CADPS: variants seen among roughly 807,000 people sequenced by gnomAD.
The protein encoded by CADPS is calcium-dependent secretion activator 1.
A neutral mutation model predicts 167.3 loss-of-function variants in CADPS; 57 were observed. That is an observed-to-expected ratio of 0.34 (90% CI 0.28 to 0.42). The LOEUF (loss-of-function observed/expected upper bound fraction) is 0.42. Among genes scored for constraint, CADPS ranks in the 20% least tolerant of loss-of-function variants. The probability of loss-of-function intolerance (pLI) is 1.00; values close to 1 mark genes in which losing one functional copy is unlikely to be tolerated. For synonymous variants in CADPS, 676 were observed against 635.3 expected (o/e 1.06, Z -0.96); for missense variants, 1,414 against 1,738.1 (o/e 0.81, Z 3.32).
chr3:62,792,967 G>C (rs556403354), intron 1 of CADPS, among the ~76,000 whole-genome samples: 1 of 152,118 alleles, frequency 6.6e-6, no homozygotes, highest in African/African-American at 2.4e-5. Flanking sequence ...AGACTACTTG[G>C]ATCAGAAGCC....
intron 7 of CADPS, among the ~76,000 whole-genome samples, chr3:62,588,183 G>A (rs898392357): frequency 1.3e-5 from 2 of 151,996 alleles, no homozygotes; most frequent in African/African-American, 4.8e-5. Flanking sequence ...TCCCCTCCTC[G>A]ACTTAGCCTA....
At chr3:62,493,061 GAGGA>G (rs1471412399) in intron 19 of CADPS, among the ~76,000 whole-genome samples, 1 of 152,162 alleles carries the variant, frequency 6.6e-6, no homozygotes, top group Non-Finnish European at 1.5e-5. Context: ...ATCCAGTCTG[GAGGA>G]AAGATCAGGC....
At chr3:62,413,273 T>C (rs970057488) in intron 28 of CADPS, among the ~76,000 whole-genome samples, 10 of 152,174 alleles carry the variant, frequency 6.6e-5, no homozygotes, top group African/African-American at 2.4e-4. Context: ...AACTTTTGAG[T>C]ATAGATGCAA....
rs149951211 is a variant in CADPS, at chr3:62,821,298, T to C, written c.441+53291A>G. On this transcript the variant is annotated intron_variant, in intron 1 of 29. Transcript: ENST00000383710. ...GCAGGCTCACCTGGGTTCTCTGCTT[T>C]AGAGTCTCTGTGTTGGTTTTCTAGG... is the stretch of plus-strand genomic sequence containing the variant. 8.2e-3 allele frequency among the ~76,000 whole-genome samples: 1,244 copies of C among 151,908 alleles called. 9 individuals carry two copies. The highest frequency in any genetic ancestry group is 0.013 in the Non-Finnish European group (873 of 67,972).
At chr3:62,447,910 T>C (rs2057463577) in intron 26 of CADPS, among the ~76,000 whole-genome samples, 1 of 152,144 alleles carries the variant, frequency 6.6e-6, no homozygotes, top group African/African-American at 2.4e-5. Flanking sequence ...CCATGTATAC[T>C]ATTATCTAAC....
Position 62,602,726 on chromosome 3 carries a change from G to C in CADPS, c.1326-9978C>G, listed in dbSNP as rs2060153570. ...TCTGGGAGGCAGAGATGAAGGCTTT[G>C]GTTTGCCTCCTTGACATTTCCACTG... On this transcript the variant is annotated intron_variant, in intron 6 of 29. Coordinates refer to ENST00000383710, the MANE Select transcript of CADPS (RefSeq NM_003716.4). This position sits in a 1 kb window ranked among gnomAD's most constrained non-coding sequence, Gnocchi z 4.4. Among the ~76,000 whole-genome samples, 1 of 152,202 alleles carries C rather than the reference G, an allele frequency of 6.6e-6. No homozygotes were observed. Among genetic ancestry groups the C allele is most frequent in the African/African-American group, 2.4e-5 (1 of 41,530 alleles).
intron 3 of CADPS, among the ~76,000 whole-genome samples, chr3:62,681,070 G>A (rs915901944): frequency 4.6e-5 from 7 of 151,972 alleles, no homozygotes; most frequent in African/African-American, 1.7e-4. Context: ...TCCCTTCCCT[G>A]TCTTTGCTGA....
chr3:62,495,726 G>C (rs2064614666), intron 18 of CADPS, among the ~76,000 whole-genome samples: 1 of 152,174 alleles, frequency 6.6e-6, no homozygotes, highest in African/African-American at 2.4e-5. Flanking sequence ...GAGAGATTGG[G>C]AAGGTGTAGC....
intron 26 of CADPS, among the ~76,000 whole-genome samples, chr3:62,449,901 T>C (rs2057790180): frequency 6.6e-6 from 1 of 152,194 alleles, no homozygotes; most frequent in Non-Finnish European, 1.5e-5. Context: ...GTTAAAACTC[T>C]GGCTTTGCCA....
intron 26 of CADPS, among the ~76,000 whole-genome samples, chr3:62,454,149 G>A (rs367747749): frequency 2.0e-5 from 3 of 152,112 alleles, no homozygotes; most frequent in Non-Finnish European, 2.9e-5. Context: ...GCCTATAAAT[G>A]GAACCATTTC....
chr3:62,749,986 T>C (rs2082335735), intron 3 of CADPS, among the ~76,000 whole-genome samples: 1 of 152,210 alleles, frequency 6.6e-6, no homozygotes, highest in Admixed American at 6.5e-5. Context: ...TAATGCATAT[T>C]ATTTTTTTGT....
intron 26 of CADPS, among the ~76,000 whole-genome samples, chr3:62,463,249 G>A (rs1370034208): frequency 6.6e-6 from 1 of 152,128 alleles, no homozygotes; most frequent in African/African-American, 2.4e-5. Flanking sequence ...CCTCTTGGTA[G>A]GCCAGTAATT....
chr3:62,686,702 C>T (rs900870210), intron 3 of CADPS, among the ~76,000 whole-genome samples: 7 of 151,956 alleles, frequency 4.6e-5, no homozygotes, highest in East Asian at 3.9e-4. Context: ...GAATATATTT[C>T]GTAATGTACC....
chr3:62,808,066 G>A (rs1389789927), intron 1 of CADPS, among the ~76,000 whole-genome samples: 2 of 151,698 alleles, frequency 1.3e-5, no homozygotes, highest in Non-Finnish European at 2.9e-5. Context: ...GTAGAGATGG[G>A]GTTTCACTAT....
At chr3:62,763,478 T>C (rs1421930850) in intron 2 of CADPS, among the ~76,000 whole-genome samples, 1 of 152,208 alleles carries the variant, frequency 6.6e-6, no homozygotes, top group African/African-American at 2.4e-5. Context: ...TTTAAGTTAA[T>C]TGAGGAAATA....
chr3:62,550,206 T>C, intron 10 of CADPS, 91 bp from the exon 11 acceptor site: 1 of 989,576 alleles, frequency 1.0e-6, no homozygotes, highest in Non-Finnish European at 1.6e-6. Flanking sequence ...TCTGCTGCTT[T>C]TCCTTGGGAC....
intron 15 of CADPS, 47 bp downstream of exon 15, chr3:62,516,533 T>C: frequency 5.9e-6 from 8 of 1,363,210 alleles, no homozygotes; most frequent in Non-Finnish European, 8.2e-6. Context: ...CAATTATGCT[T>C]ATGTCTTTTT....
chr3:62,460,111 A>G (rs757525218), intron 26 of CADPS, among the ~76,000 whole-genome samples: 1 of 152,216 alleles, frequency 6.6e-6, no homozygotes, highest in Non-Finnish European at 1.5e-5. Context: ...TAGAGTCTTA[A>G]TAACTATGCG....
At chr3:62,564,142 C>T (rs778771708) in intron 9 of CADPS, among the ~76,000 whole-genome samples, 48 of 152,114 alleles carry the variant, frequency 3.2e-4, no homozygotes, top group Admixed American at 5.2e-4. Context: ...GCTGGGACTA[C>T]AGGTGCCCGC....
Sources: allele counts gnomAD v4.1 joint callset (sites outside exome capture counted in the v4.1 genomes callset), GRCh38; gene constraint gnomAD v4.1.1; non-coding constraint Gnocchi (gnomAD v3.1); transcripts MANE v1.5; gene names NCBI Gene and HGNC (gene_info 2026-07-23, HGNC 2026-07-21).